CTNNA3: variants seen among roughly 807,000 people sequenced by gnomAD.
The protein encoded by CTNNA3 is catenin alpha-3.
Under a neutral mutation model 95.7 loss-of-function variants are expected in CTNNA3, and 76 were observed. The observed-to-expected ratio is 0.79, with a 90% CI of 0.66 to 0.96. The LOEUF (loss-of-function observed/expected upper bound fraction) is 0.96. Among genes scored for constraint, CTNNA3 ranks in the 40% least tolerant of loss-of-function variants. CTNNA3 has a pLI of 0.00. For missense variants in CTNNA3, 1,191 were observed against 1,089.8 expected (o/e 1.09, Z -1.31); for synonymous variants, 431 against 374.4 (o/e 1.15, Z -1.74).
chr10:66,012,392 C>T (rs577722259), intron 15 of CTNNA3, among the ~76,000 whole-genome samples: 22 of 152,174 alleles, frequency 1.4e-4, no homozygotes, highest in Non-Finnish European at 2.1e-4. Context: ...AGTAAGTGAA[C>T]ATGAATGACA....
intron 13 of CTNNA3, among the ~76,000 whole-genome samples, chr10:66,164,985 CCTAT>C (rs1432348560): frequency 6.6e-6 from 1 of 151,986 alleles, no homozygotes; most frequent in Non-Finnish European, 1.5e-5. Context: ...AATTTCTGTT[CCTAT>C]CTGACACTTG....
At chr10:67,040,649 T>C (rs1471676568) in intron 7 of CTNNA3, among the ~76,000 whole-genome samples, 3 of 152,088 alleles carry the variant, frequency 2.0e-5, no homozygotes, top group Non-Finnish European at 4.4e-5. Flanking sequence ...GGTGACATTA[T>C]TAAGATGATG....
intron 11 of CTNNA3, among the ~76,000 whole-genome samples, chr10:66,471,235 ATC>A (rs1222239324): frequency 2.6e-5 from 4 of 151,826 alleles, no homozygotes; most frequent in African/African-American, 9.7e-5. Flanking sequence ...TTCTAGTATT[ATC>A]TCTATCATAT....
intron 7 of CTNNA3, among the ~76,000 whole-genome samples, chr10:66,930,101 A>G (rs1847293087): frequency 6.6e-6 from 1 of 152,140 alleles, no homozygotes; most frequent in Non-Finnish European, 1.5e-5. Flanking sequence ...GAGAGGAAAA[A>G]TCTAGGCAAG....
chr10:66,209,818 G>T (rs1214962040), intron 13 of CTNNA3, among the ~76,000 whole-genome samples: 1 of 152,076 alleles, frequency 6.6e-6, no homozygotes, highest in Non-Finnish European at 1.5e-5. Context: ...CTCACATTAG[G>T]TTAAAACATG....
intron 13 of CTNNA3, among the ~76,000 whole-genome samples, chr10:66,203,378 T>C (rs933996401): frequency 2.6e-5 from 4 of 152,212 alleles, no homozygotes; most frequent in African/African-American, 9.6e-5. Context: ...CTTCAAAGTA[T>C]ATTACAAAAT....
At chr10:67,015,558 T>A (rs1852603594) in intron 7 of CTNNA3, 1 of 152,184 alleles carries the variant, frequency 6.6e-6, no homozygotes, top group Admixed American at 6.5e-5. Context: ...GTAGCTGGTA[T>A]CTTTTCCATA....
chr10:66,346,236 TATATATATATAG>T (rs2092514555), intron 12 of CTNNA3, among the ~76,000 whole-genome samples: 6 of 24,988 alleles, frequency 2.4e-4, no homozygotes, highest in Admixed American at 3.2e-4. Context: ...TATATATATA[TATATATATATAG>T]AGAGAGAGAG....
chr10:65,972,768 G>A (rs1337610259), intron 16 of CTNNA3, among the ~76,000 whole-genome samples: 1 of 152,024 alleles, frequency 6.6e-6, no homozygotes, highest in Admixed American at 6.6e-5. Context: ...TGGCCATGCT[G>A]CTCAAAGCAA....
At chr10:65,977,736 G>A (rs1185512528) in intron 16 of CTNNA3, among the ~76,000 whole-genome samples, 6 of 151,856 alleles carry the variant, frequency 4.0e-5, no homozygotes, top group Admixed American at 2.6e-4. Context: ...AGCTGACATC[G>A]TGCCACTACA....
At chr10:66,224,919 A>C (rs796765369) in intron 13 of CTNNA3, among the ~76,000 whole-genome samples, 7 of 152,224 alleles carry the variant, frequency 4.6e-5, no homozygotes, top group African/African-American at 1.7e-4. Flanking sequence ...ATTGACACAT[A>C]ATAATTCTAC....
chr10:66,456,516 A>G lies in CTNNA3; in HGVS notation c.1531+64101T>C, dbSNP rs182812526. ...GCCAACATGGTGAAATCCCGTCTCT[A>G]CTAAGAAAAATTAGCTGGGCATAGT... On this transcript the variant is annotated intron_variant, in intron 11 of 17. Coordinates refer to ENST00000433211, the MANE Select transcript of CTNNA3 (RefSeq NM_013266.4). Among the ~76,000 whole-genome samples, 388 of 152,216 alleles carry G rather than the reference A, an allele frequency of 2.5e-3. 2 individuals carry two copies. The highest frequency in any genetic ancestry group is 8.6e-3 in the African/African-American group (357 of 41,544).
intron 5 of CTNNA3, among the ~76,000 whole-genome samples, chr10:67,298,802 T>C (rs376740304): frequency 5.3e-5 from 8 of 152,230 alleles, no homozygotes; most frequent in Middle Eastern, 3.2e-3. Context: ...TATGTGCAAA[T>C]AGCATCACAA....
chr10:67,075,985 CT>C (rs1415469849), intron 7 of CTNNA3, among the ~76,000 whole-genome samples: 1 of 152,170 alleles, frequency 6.6e-6, no homozygotes, highest in Non-Finnish European at 1.5e-5. Flanking sequence ...AAACCTCTCT[CT>C]TTTTTTAAGA....
At chr10:66,604,425 C>T (rs893846236) in intron 10 of CTNNA3, among the ~76,000 whole-genome samples, 2 of 152,158 alleles carry the variant, frequency 1.3e-5, no homozygotes, top group African/African-American at 4.8e-5. Context: ...CACCCATTAG[C>T]ACCCTGCTGC....
intron 10 of CTNNA3, among the ~76,000 whole-genome samples, chr10:66,545,186 A>T (rs1026464364): frequency 1.3e-5 from 2 of 152,090 alleles, no homozygotes; most frequent in Non-Finnish European, 2.9e-5. Context: ...AATTATAACC[A>T]ATACCCAAGT....
chr10:67,652,868 G>A (rs919147311), intron 1 of CTNNA3, among the ~76,000 whole-genome samples: 2 of 152,250 alleles, frequency 1.3e-5, no homozygotes, highest in South Asian at 4.1e-4. Flanking sequence ...CCTTCAGCAT[G>A]TCCTGCCAGA....
intron 9 of CTNNA3, among the ~76,000 whole-genome samples, chr10:66,637,441 G>A (rs12218587): frequency 0.077 from 11,708 of 152,292 alleles, 839 homozygotes; most frequent in East Asian, 0.24. Context: ...CAAAGGCTCT[G>A]AGTCTGAGTC....
chr10:67,590,974 C>A (rs1842772635), intron 3 of CTNNA3, among the ~76,000 whole-genome samples: 1 of 152,002 alleles, frequency 6.6e-6, no homozygotes, highest in South Asian at 2.1e-4. Flanking sequence ...TCTTGCTCTA[C>A]TCCCAAAGCG....
Sources: gnomAD v4.1 joint callset for allele counts (sites outside exome capture counted in the v4.1 genomes callset) on GRCh38, gnomAD v4.1.1 for gene constraint, MANE v1.5 for transcripts, NCBI Gene and HGNC (gene_info 2026-07-23, HGNC 2026-07-21) for gene names.